The following PCDHA3 variants were observed in gnomAD, a reference collection of about 807,000 sequenced individuals.
PCDHA3 encodes the protein protocadherin alpha-3.
Under a neutral mutation model 62.2 loss-of-function variants are expected in PCDHA3, and 41 were observed. That is an observed-to-expected ratio of 0.66 (90% confidence interval 0.51 to 0.86). The LOEUF is 0.86. Ranked by LOEUF, PCDHA3 falls within the 40% of genes least tolerant of loss-of-function variation. PCDHA3 has a pLI of 0.00. For synonymous variants in PCDHA3, 640 were observed against 555.4 expected, an observed-to-expected ratio of 1.15 and a Z score of -2.14; for missense variants, 1,304 against 1,241.2, an observed-to-expected ratio of 1.05 and a Z score of -0.76.
chr5:140,819,606 T>C (rs1240041247), intron 1 of PCDHA3, among the ~76,000 whole-genome samples: 1 of 152,112 alleles, frequency 6.6e-6, no homozygotes, highest in Non-Finnish European at 1.5e-5. Flanking sequence ...CTGTGGAGTC[T>C]CCCATGAAAT....
At chr5:140,891,358 G>A (rs1002422244) in intron 1 of PCDHA3, among the ~76,000 whole-genome samples, 1 of 152,044 alleles carries the variant, frequency 6.6e-6, no homozygotes. Flanking sequence ...TCCATCACCT[G>A]AGCAGTATAC....
At chr5:140,822,929 C>A (rs1418522514) in intron 1 of PCDHA3, 1 of 1,614,266 alleles carries the variant, frequency 6.2e-7, no homozygotes, top group Non-Finnish European at 8.5e-7. Context: ...GGGCAGGTGA[C>A]CTGCTCCCTA....
At chr5:141,003,053 C>T (rs1554258899) in intron 3 of PCDHA3, among the ~76,000 whole-genome samples, 3 of 152,206 alleles carry the variant, frequency 2.0e-5, no homozygotes, top group African/African-American at 7.2e-5. Flanking sequence ...CTTAACAGAA[C>T]AGTTCCAAAT....
intron 1 of PCDHA3, among the ~76,000 whole-genome samples, chr5:140,902,641 G>T (rs2069615645): frequency 6.6e-6 from 1 of 152,080 alleles, no homozygotes; most frequent in Non-Finnish European, 1.5e-5. Context: ...TGATTTCTGA[G>T]ATTTTGGTGC....
chr5:140,897,964 T>A (rs1554187709), intron 1 of PCDHA3, among the ~76,000 whole-genome samples: 1 of 152,236 alleles, frequency 6.6e-6, no homozygotes, highest in South Asian at 2.1e-4. Flanking sequence ...TTTTCATGTG[T>A]CTTTTGGCTG....
chr5:140,963,348 T>C (rs1415746589), intron 1 of PCDHA3, among the ~76,000 whole-genome samples: 7 of 152,234 alleles, frequency 4.6e-5, no homozygotes, highest in Admixed American at 4.6e-4. Context: ...GTAAATTTAG[T>C]TCTTTTCAAA....
chr5:140,947,685 G>T (rs553954790), intron 1 of PCDHA3, among the ~76,000 whole-genome samples: 1 of 151,508 alleles, frequency 6.6e-6, no homozygotes, highest in South Asian at 2.1e-4. Flanking sequence ...AATTGTCTCA[G>T]CATGTTCTGT....
intron 1 of PCDHA3, chr5:140,822,076 T>A: frequency 1.2e-6 from 2 of 1,614,048 alleles, no homozygotes; most frequent in Non-Finnish European, 1.7e-6. Flanking sequence ...GAGGGCGGAG[T>A]GCAGCATCCA....
At chr5:140,957,851 T>TG (rs2095389296) in intron 1 of PCDHA3, among the ~76,000 whole-genome samples, 1 of 136,014 alleles carries the variant, frequency 7.4e-6, no homozygotes. Flanking sequence ...AGAGTTTGTG[T>TG]ATTTTTTTTC....
Position 140,967,255 on chromosome 5 carries a change from T to C in PCDHA3, c.2395-11694T>C, listed in dbSNP as rs202164321. ...TTCAGGTAAGCGAATCGGTGGCGCC[T>C]GGAGCGCGCTTTCACATAGAGAGTG... On this transcript the variant is annotated intron_variant, in intron 1 of 3. Coordinates refer to ENST00000522353, the MANE Select transcript of PCDHA3 (RefSeq NM_018906.3). The C allele has an allele frequency of 1.8e-4, 297 of 1,613,460 alleles. 1 individual carries two copies. The East Asian group carries it at 6.5e-3, about 35-fold the overall frequency.
chr5:140,885,096 A>G (rs2060465078), intron 1 of PCDHA3, among the ~76,000 whole-genome samples: 1 of 152,160 alleles, frequency 6.6e-6, no homozygotes, highest in Non-Finnish European at 1.5e-5. Flanking sequence ...AACTTTTCAC[A>G]TAAATGCTTT....
intron 1 of PCDHA3, chr5:140,823,126 G>T: frequency 6.2e-7 from 1 of 1,614,022 alleles, no homozygotes; most frequent in African/African-American, 1.3e-5. Context: ...GAACGACAAC[G>T]CTCCGGCGTT....
In PCDHA3 at chr5:140,801,095, A is replaced by G; in HGVS notation, c.-103A>G. The G allele has an allele frequency of 6.7e-7, 1 of 1,498,406 alleles. No individual in the cohort carries two copies. The highest frequency in any genetic ancestry group is 8.8e-7 in the Non-Finnish European group (1 of 1,130,584). 92.8% of individuals were successfully genotyped at this position (1,498,406 alleles called of 1,614,324 possible). On this transcript the variant is annotated 5_prime_UTR_variant, in exon 1 of 4. Coordinates refer to ENST00000522353, the MANE Select transcript of PCDHA3 (RefSeq NM_018906.3). ...ATACTGCTTTGCTTCATCCTCTCTA[A>G]AATTTAACACCGAGGAGTTTAAGAA...
chr5:140,969,264 C>T, intron 1 of PCDHA3: 1 of 1,614,208 alleles, frequency 6.2e-7, no homozygotes, highest in Non-Finnish European at 8.5e-7. Flanking sequence ...AGGAATCTCA[C>T]AGGCCAAAGT....
intron 1 of PCDHA3, chr5:140,856,534 A>G (rs782489948): frequency 6.3e-7 from 1 of 1,598,482 alleles, no homozygotes; most frequent in Non-Finnish European, 8.6e-7. Context: ...CGGATGTTGG[A>G]GAGAACGCAT....
chr5:140,837,977 C>G (rs1377931639), intron 1 of PCDHA3, among the ~76,000 whole-genome samples: 1 of 151,682 alleles, frequency 6.6e-6, no homozygotes, highest in Non-Finnish European at 1.5e-5. Flanking sequence ...CCACACCCAG[C>G]CTGCCTTTCA....
intron 1 of PCDHA3, chr5:140,834,498 G>A (rs2150219814): frequency 6.2e-7 from 1 of 1,614,130 alleles, no homozygotes; most frequent in East Asian, 2.2e-5. Flanking sequence ...CCCCGAGGAG[G>A]CTAAACATGG....
chr5:140,926,769 G>T lies in PCDHA3; in HGVS notation c.2395-52180G>T, dbSNP rs1584462454. 7.3e-6 allele frequency: 10 copies of T among 1,360,582 alleles called. No individual in the cohort carries two copies. In the East Asian group the frequency reaches 2.4e-4, roughly 33 times the overall value. 84.3% of individuals were successfully genotyped at this position (1,360,582 alleles called of 1,614,324 possible). On this transcript the variant is annotated intron_variant, in intron 1 of 3. Coordinates refer to ENST00000522353, the MANE Select transcript of PCDHA3 (RefSeq NM_018906.3). ...TCGGCGGTCGCTGAGTATCCAGCCCGCAGCAGTGACGGCCGGCAGGAGCGT... is the reference window on the plus strand; with the variant it reads ...TCGGCGGTCGCTGAGTATCCAGCCCTCAGCAGTGACGGCCGGCAGGAGCGT...
At chr5:140,829,044 T>C in intron 1 of PCDHA3, 1 of 1,613,140 alleles carries the variant, frequency 6.2e-7, no homozygotes. Context: ...TTATACAAAA[T>C]CCTCATTGAC....
Sources: gnomAD v4.1 joint callset for allele counts (sites outside exome capture counted in the v4.1 genomes callset) on GRCh38, gnomAD v4.1.1 for gene constraint, MANE v1.5 for transcripts, NCBI Gene and HGNC (gene_info 2026-07-23, HGNC 2026-07-21) for gene names.